ANKRD55: variants seen among roughly 807,000 people sequenced by gnomAD.
ANKRD55 encodes ankyrin repeat domain-containing protein 55.
ANKRD55 carries 41 observed loss-of-function variants against 60.6 expected under a neutral mutation model. That is an observed-to-expected ratio of 0.68 (90% CI 0.53 to 0.88). ANKRD55 has a LOEUF of 0.88. Ranked by LOEUF, ANKRD55 falls within the 40% of genes least tolerant of loss-of-function variation. The pLI, the probability that ANKRD55 is intolerant of heterozygous loss-of-function variation, is 0.00. For missense variants in ANKRD55, 732 were observed against 767.6 expected (o/e 0.95, Z 0.55); for synonymous variants, 264 against 290.3 (o/e 0.91, Z 0.92).
intron 6 of ANKRD55, among the ~76,000 whole-genome samples, chr5:56,152,118 ATTTT>A (rs57126840): frequency 0.016 from 1,407 of 89,910 alleles, 64 homozygotes; most frequent in African/African-American, 0.056. Context: ...ACCCTACTCC[ATTTT>A]TTTTTTTTTA....
chr5:56,213,746 G>A (rs1258268707), intron 2 of ANKRD55, among the ~76,000 whole-genome samples: 1 of 152,176 alleles, frequency 6.6e-6, no homozygotes, highest in South Asian at 2.1e-4. Context: ...TCGGAAGATA[G>A]AACACCAGGA....
chr5:56,229,705 T>C (rs973938171), intron 2 of ANKRD55, among the ~76,000 whole-genome samples: 3 of 152,144 alleles, frequency 2.0e-5, no homozygotes, highest in Non-Finnish European at 2.9e-5. Context: ...ACCCACCTCG[T>C]TGGAGCCCTG....
At chr5:56,204,711 A>G (rs1050078640) in intron 2 of ANKRD55, among the ~76,000 whole-genome samples, 1 of 152,148 alleles carries the variant, frequency 6.6e-6, no homozygotes, top group Non-Finnish European at 1.5e-5. Context: ...TTGTAGCAGC[A>G]TGAGAATGGA....
At chr5:56,199,821 G>A (rs1381765500) in intron 2 of ANKRD55, among the ~76,000 whole-genome samples, 4 of 151,396 alleles carry the variant, frequency 2.6e-5, no homozygotes, top group Non-Finnish European at 4.4e-5. Context: ...AACCCGGGTG[G>A]TGGAGCTTGC....
chr5:56,120,460 G>C (rs925884778), intron 8 of ANKRD55, among the ~76,000 whole-genome samples: 2 of 152,198 alleles, frequency 1.3e-5, no homozygotes, highest in African/African-American at 4.8e-5. Flanking sequence ...GAGGAATATT[G>C]CAAAGTCAGG....
In ANKRD55 at chr5:56,133,738, AT is replaced by A. The variant is rs1284023474; in HGVS notation, c.613-6633del. Among the ~76,000 whole-genome samples, 2 of 115,012 alleles carry A rather than the reference AT, an allele frequency of 1.7e-5. 1 individual carries two copies. The highest frequency in any genetic ancestry group is 5.7e-5 in the African/African-American group (2 of 35,396). 75.5% of individuals were successfully genotyped at this position (115,012 alleles called of 152,430 possible). On this transcript the variant is annotated intron_variant, in intron 7 of 11. Coordinates refer to ENST00000341048, the MANE Select transcript of ANKRD55 (RefSeq NM_024669.3). ...TTCAAAAGAAGAAATTGCAAGATAA[AT>A]TAAAAAAATACTTTGAACAAAAGGA... is the stretch of plus-strand genomic sequence containing the variant.
chr5:56,177,289 G>C (rs1217719330), intron 3 of ANKRD55, among the ~76,000 whole-genome samples: 1 of 152,026 alleles, frequency 6.6e-6, no homozygotes, highest in Non-Finnish European at 1.5e-5. Flanking sequence ...TCAGTCATCT[G>C]TACTGGGAAA....
At chr5:56,199,506 T>C (rs1759308627) in intron 2 of ANKRD55, among the ~76,000 whole-genome samples, 1 of 152,090 alleles carries the variant, frequency 6.6e-6, no homozygotes. Context: ...TATTTTTAAA[T>C]GTTTCTTAAA....
At chr5:56,225,713 A>C (rs1760094217) in intron 2 of ANKRD55, among the ~76,000 whole-genome samples, 1 of 152,222 alleles carries the variant, frequency 6.6e-6, no homozygotes. Context: ...GAGCCAAATC[A>C]TGAGTGAACT....
At chr5:56,212,049 G>GAC (rs200349739) in intron 2 of ANKRD55, among the ~76,000 whole-genome samples, 13,997 of 130,094 alleles carry the variant, frequency 0.11, 637 homozygotes, top group African/African-American at 0.14. Context: ...AACTGGTAAA[G>GAC]ACACACACAC....
At chr5:56,157,703 CAT>C (rs1350098101) in intron 6 of ANKRD55, among the ~76,000 whole-genome samples, 1 of 152,106 alleles carries the variant, frequency 6.6e-6, no homozygotes, top group Non-Finnish European at 1.5e-5. Context: ...CATTTGTTCA[CAT>C]GTTTTCCTGC....
At chr5:56,153,663 C>T (rs924364930) in intron 6 of ANKRD55, among the ~76,000 whole-genome samples, 1 of 151,570 alleles carries the variant, frequency 6.6e-6, no homozygotes, top group Non-Finnish European at 1.5e-5. Flanking sequence ...CATGGTGAAA[C>T]CCTGTCTCTA....
intron 3 of ANKRD55, among the ~76,000 whole-genome samples, chr5:56,181,040 A>G (rs1031424153): frequency 1.3e-5 from 2 of 152,170 alleles, no homozygotes; most frequent in Non-Finnish European, 2.9e-5. Flanking sequence ...TCTCTACTAA[A>G]AATACACAAA....
At chr5:56,142,503 G>A (rs1757799020) in intron 7 of ANKRD55, among the ~76,000 whole-genome samples, 1 of 152,182 alleles carries the variant, frequency 6.6e-6, no homozygotes, top group African/African-American at 2.4e-5. Flanking sequence ...GTGGAAGGGG[G>A]ACGCATGTCA....
At chr5:56,121,963 G>C (rs771028879) in intron 8 of ANKRD55, among the ~76,000 whole-genome samples, 5 of 152,258 alleles carry the variant, frequency 3.3e-5, no homozygotes, top group Non-Finnish European at 7.3e-5. Flanking sequence ...TTGGATGAAG[G>C]ACTCTGCCTG....
At chr5:56,115,667 TG>T (rs1580945762) in intron 9 of ANKRD55, among the ~76,000 whole-genome samples, 1 of 152,216 alleles carries the variant, frequency 6.6e-6, no homozygotes, top group East Asian at 1.9e-4. Context: ...CAAAGAGAGT[TG>T]CCAAAAATAT....
chr5:56,116,975 CT>C (rs1756905548), intron 8 of ANKRD55, 193 bp from the exon 9 acceptor site: 2 of 511,944 alleles, frequency 3.9e-6, no homozygotes, highest in Non-Finnish European at 6.8e-6. Flanking sequence ...TCTCCTCTAG[CT>C]CTAAGTATTC....
At chr5:56,188,539 A>T (rs1017943973) in intron 2 of ANKRD55, among the ~76,000 whole-genome samples, 2 of 152,150 alleles carry the variant, frequency 1.3e-5, no homozygotes, top group African/African-American at 4.8e-5. Flanking sequence ...CTGCATATAG[A>T]TATCCAGTCT....
intron 5 of ANKRD55, among the ~76,000 whole-genome samples, chr5:56,166,487 T>C (rs1335874585): frequency 1.3e-5 from 2 of 152,090 alleles, no homozygotes; most frequent in African/African-American, 4.8e-5. Flanking sequence ...GGTCTTGAAC[T>C]CCTGGCCTCA....
Sources: allele counts gnomAD v4.1 joint callset (sites outside exome capture counted in the v4.1 genomes callset), GRCh38; gene constraint gnomAD v4.1.1; transcripts MANE v1.5; gene names NCBI Gene and HGNC (gene_info 2026-07-23, HGNC 2026-07-21).